FAR2: variants seen among roughly 807,000 people sequenced by gnomAD.
FAR2 encodes epididymis secretory protein Li 81.
FAR2 carries 19 observed loss-of-function variants against 56.0 expected under a neutral mutation model. The ratio of observed to expected loss-of-function variants is 0.34; its 90% CI spans 0.24 to 0.50. The LOEUF is 0.50. FAR2 is among the 20% of genes least tolerant of loss of function. The pLI is 0.98. For synonymous variants in FAR2, 219 were observed against 218.8 expected (o/e 1.00, Z -0.01); for missense variants, 508 against 642.2 (o/e 0.79, Z 2.26).
At chr12:29,295,826 T>A (rs1949059309) in intron 3 of FAR2, among the ~76,000 whole-genome samples, 1 of 138,296 alleles carries the variant, frequency 7.2e-6, no homozygotes, top group Non-Finnish European at 1.5e-5. Flanking sequence ...CGGACTGCAG[T>A]GGCGCAATCT....
chr12:29,150,559 C>T (rs970598099), intron 1 of FAR2, among the ~76,000 whole-genome samples: 1 of 152,148 alleles, frequency 6.6e-6, no homozygotes, highest in Admixed American at 6.5e-5. Context: ...ATTTGACTGA[C>T]AGGTGTAGTT....
chr12:29,322,922 G>A (rs1022862893), intron 10 of FAR2, among the ~76,000 whole-genome samples: 13 of 152,108 alleles, frequency 8.5e-5, no homozygotes, highest in Middle Eastern at 3.2e-3. Context: ...GCTCACGCAC[G>A]GTGCACTTCA....
chr12:29,225,821 G>T (rs1947759557), intron 1 of FAR2, among the ~76,000 whole-genome samples: 1 of 152,184 alleles, frequency 6.6e-6, no homozygotes, highest in Admixed American at 6.5e-5. Flanking sequence ...AAAAATGATT[G>T]CAGCTTTCTT....
intron 1 of FAR2, among the ~76,000 whole-genome samples, chr12:29,155,588 A>C (rs1949719598): frequency 6.6e-6 from 1 of 152,206 alleles, no homozygotes; most frequent in African/African-American, 2.4e-5. Context: ...TATATTTTTA[A>C]AACTTAGAAA....
chr12:29,230,660 A>T (rs1947844314), intron 1 of FAR2, among the ~76,000 whole-genome samples: 1 of 152,036 alleles, frequency 6.6e-6, no homozygotes, highest in Non-Finnish European at 1.5e-5. Flanking sequence ...AGATGGTGAG[A>T]TGTGATCAGA....
intron 4 of FAR2, among the ~76,000 whole-genome samples, chr12:29,301,049 C>T (rs1949155773): frequency 6.6e-6 from 1 of 152,164 alleles, no homozygotes; most frequent in African/African-American, 2.4e-5. Flanking sequence ...TCTATCCATC[C>T]TGTATGCTGA....
intron 1 of FAR2, among the ~76,000 whole-genome samples, chr12:29,247,037 C>T (rs1948139673): frequency 6.6e-6 from 1 of 152,098 alleles, no homozygotes; most frequent in Non-Finnish European, 1.5e-5. Context: ...GAACTAACTG[C>T]ATATTTCCAA....
chr12:29,304,744 T>C (rs1949229371), intron 4 of FAR2, among the ~76,000 whole-genome samples: 1 of 152,234 alleles, frequency 6.6e-6, no homozygotes, highest in South Asian at 2.1e-4. Flanking sequence ...CACATAGACA[T>C]ATACATACTG....
chr12:29,212,465 A>C (rs544071253), intron 1 of FAR2, among the ~76,000 whole-genome samples: 48 of 152,156 alleles, frequency 3.2e-4, no homozygotes, highest in Middle Eastern at 3.4e-3. Context: ...ACTTACAATA[A>C]CTCAGAATGC....
At chr12:29,287,290 G>A (rs1021926357) in intron 2 of FAR2, among the ~76,000 whole-genome samples, 3 of 152,160 alleles carry the variant, frequency 2.0e-5, no homozygotes, top group Non-Finnish European at 4.4e-5. Context: ...GCTGCCTTAT[G>A]GAGTTATAGA....
Position 29,324,018 on chromosome 12 carries a change from G to C in FAR2, c.1257+2094G>C, listed in dbSNP as rs544654253. On this transcript the variant is annotated intron_variant, in intron 10 of 11. Transcript: ENST00000536681. ...CTTTGAAAAAAAAATTAGACGAATG[G>C]ATAACTAGAATACCCAATGCAGACA... Among the ~76,000 whole-genome samples the C allele has an allele frequency of 5.9e-5, 9 of 152,212 alleles. No homozygotes were observed. In the South Asian group the frequency reaches 1.9e-3, roughly 32 times the overall value.
chr12:29,218,851 T>G (rs1230727034), intron 1 of FAR2, among the ~76,000 whole-genome samples: 1 of 152,124 alleles, frequency 6.6e-6, no homozygotes, highest in Non-Finnish European at 1.5e-5. Flanking sequence ...ATATTTTAAA[T>G]GCTGAAAATA....
chr12:29,300,990 C>G (rs960150677), intron 4 of FAR2, among the ~76,000 whole-genome samples: 1 of 152,056 alleles, frequency 6.6e-6, no homozygotes, highest in African/African-American at 2.4e-5. Flanking sequence ...ACATCCTGGT[C>G]CCAACCTTTG....
chr12:29,210,064 C>T (rs78354707), intron 1 of FAR2, among the ~76,000 whole-genome samples: 13 of 151,988 alleles, frequency 8.6e-5, no homozygotes, highest in African/African-American at 2.2e-4. Context: ...AATAATCAAC[C>T]GGGTGTGGTG....
At chr12:29,203,133 AG>A (rs1313910210) in intron 1 of FAR2, among the ~76,000 whole-genome samples, 1 of 152,230 alleles carries the variant, frequency 6.6e-6, no homozygotes, top group Non-Finnish European at 1.5e-5. Flanking sequence ...TGACTTCTAA[AG>A]AAAGAACTGA....
At chr12:29,327,959 A>G (rs1949674570) in intron 10 of FAR2, among the ~76,000 whole-genome samples, 1 of 152,162 alleles carries the variant, frequency 6.6e-6, no homozygotes, top group East Asian at 1.9e-4. Context: ...CCATCAGAGT[A>G]AACAGGCAAC....
intron 1 of FAR2, among the ~76,000 whole-genome samples, chr12:29,254,759 G>A (rs971759982): frequency 1.6e-4 from 25 of 151,992 alleles, no homozygotes; most frequent in Non-Finnish European, 3.4e-4. Context: ...CGAGACTAGC[G>A]TGGCCAACAT....
intron 1 of FAR2, among the ~76,000 whole-genome samples, chr12:29,239,107 T>C (rs1947984227): frequency 6.6e-6 from 1 of 152,152 alleles, no homozygotes; most frequent in South Asian, 2.1e-4. Flanking sequence ...ACTTTTGACA[T>C]AATAAGTAAC....
At chr12:29,310,838 C>T (rs561336506) in intron 6 of FAR2, among the ~76,000 whole-genome samples, 190 bp from the exon 7 acceptor site, 14 of 152,150 alleles carry the variant, frequency 9.2e-5, no homozygotes, top group South Asian at 4.2e-4. Context: ...ATGCTGGAGA[C>T]GCATGCACTT....
Sources: gnomAD v4.1 joint callset for allele counts (sites outside exome capture counted in the v4.1 genomes callset) on GRCh38, gnomAD v4.1.1 for gene constraint, MANE v1.5 for transcripts, NCBI Gene and HGNC (gene_info 2026-07-23, HGNC 2026-07-21) for gene names.